The following STXBP6 variants were observed in gnomAD, a reference collection of about 807,000 sequenced individuals.
STXBP6 encodes syntaxin binding protein 6.
In STXBP6, 21 loss-of-function variants were observed where a neutral mutation model predicts 26.9. That is an observed-to-expected ratio of 0.78 (90% CI 0.55 to 1.12). The LOEUF is 1.12. STXBP6 is among the 50% of genes most tolerant of loss of function. The pLI, the probability that STXBP6 is intolerant of heterozygous loss-of-function variation, is 0.00. For missense variants in STXBP6, 232 were observed against 257.9 expected (o/e 0.90, Z 0.69); for synonymous variants, 97 against 92.6 (o/e 1.05, Z -0.27).
chr14:24,822,859 A>C (rs1187703184), intron 4 of STXBP6, among the ~76,000 whole-genome samples: 1 of 152,218 alleles, frequency 6.6e-6, no homozygotes, highest in African/African-American at 2.4e-5. Flanking sequence ...TGTTGCTCAG[A>C]CAGGGAGTTT....
chr14:24,861,855 G>C (rs891383653), intron 2 of STXBP6, among the ~76,000 whole-genome samples: 4 of 152,174 alleles, frequency 2.6e-5, no homozygotes, highest in Non-Finnish European at 5.9e-5. Context: ...AGACCAACTT[G>C]TGAAATGGTC....
intron 2 of STXBP6, among the ~76,000 whole-genome samples, chr14:24,889,979 C>T (rs1291613239): frequency 6.6e-6 from 1 of 152,238 alleles, no homozygotes; most frequent in Non-Finnish European, 1.5e-5. Context: ...CAGAGACTGC[C>T]TCCTGAAGTG....
chr14:24,888,498 C>T (rs1347996654), intron 2 of STXBP6, among the ~76,000 whole-genome samples: 1 of 152,056 alleles, frequency 6.6e-6, no homozygotes, highest in Non-Finnish European at 1.5e-5. Flanking sequence ...CCGAGGTGGG[C>T]AGATCATGAG....
intron 1 of STXBP6, among the ~76,000 whole-genome samples, chr14:25,033,009 C>T (rs568701619): frequency 6.6e-6 from 1 of 152,320 alleles, no homozygotes; most frequent in South Asian, 2.1e-4. Flanking sequence ...CAAGCACACA[C>T]ACCACTTTTC....
intron 2 of STXBP6, among the ~76,000 whole-genome samples, chr14:24,869,470 T>C (rs1386603917): frequency 6.6e-6 from 1 of 152,182 alleles, no homozygotes; most frequent in Non-Finnish European, 1.5e-5. Flanking sequence ...GATTTCTTCC[T>C]AAGAAAAATC....
intron 1 of STXBP6, among the ~76,000 whole-genome samples, chr14:25,004,568 T>G (rs1272341419): frequency 3.9e-5 from 6 of 152,218 alleles, no homozygotes; most frequent in Non-Finnish European, 8.8e-5. Context: ...ACCTCTCAGC[T>G]CCTGACAAAG....
At chr14:24,966,200 T>C (rs1258456350) in intron 2 of STXBP6, among the ~76,000 whole-genome samples, 2 of 152,158 alleles carry the variant, frequency 1.3e-5, no homozygotes, top group African/African-American at 2.4e-5. Flanking sequence ...CTGGTTTTAG[T>C]ATTGGAATGC....
intron 5 of STXBP6, among the ~76,000 whole-genome samples, chr14:24,814,505 T>C (rs1298490352): frequency 1.3e-5 from 2 of 152,252 alleles, no homozygotes. Flanking sequence ...CCCACAGCTA[T>C]TAATTTTCAG....
At chr14:24,875,695 C>T (rs1168692427) in intron 2 of STXBP6, among the ~76,000 whole-genome samples, 1 of 152,148 alleles carries the variant, frequency 6.6e-6, no homozygotes, top group African/African-American at 2.4e-5. Context: ...ATTTAAACTG[C>T]CAACACTTGA....
intron 2 of STXBP6, among the ~76,000 whole-genome samples, chr14:24,923,564 G>A (rs1253006122): frequency 6.6e-6 from 1 of 152,116 alleles, no homozygotes; most frequent in Non-Finnish European, 1.5e-5. Context: ...AATTTACAAT[G>A]TATTAGAGCT....
chr14:24,996,404 C>G (rs1410057974), intron 1 of STXBP6, among the ~76,000 whole-genome samples: 1 of 152,066 alleles, frequency 6.6e-6, no homozygotes, highest in African/African-American at 2.4e-5. Flanking sequence ...ATACCTGAAC[C>G]TCTCAGCTTT....
chr14:24,817,926 G>A (rs2068027254), intron 5 of STXBP6: 3 of 395,856 alleles, frequency 7.6e-6, no homozygotes, highest in Non-Finnish European at 1.5e-5. Flanking sequence ...TGCAGGAAGA[G>A]AAGGCAGGAG....
In STXBP6 at chr14:24,873,911, C is replaced by T. The variant is rs1202059829; in HGVS notation, c.155-16754G>A. ...TCTTTTCCTAAGACAATATGTATAA[C>T]AATGCATAGACCACCATGCCCACCT... On this transcript the variant is annotated intron_variant, in intron 2 of 5. Coordinates refer to ENST00000323944, the MANE Select transcript of STXBP6 (RefSeq NM_001394410.1). 2.0e-5 allele frequency among the ~76,000 whole-genome samples: 3 copies of T among 152,180 alleles called. No individual in the cohort carries two copies. The East Asian group carries it at 5.8e-4, about 29-fold the overall frequency.
chr14:24,872,729 T>C (rs1336057641), intron 2 of STXBP6, among the ~76,000 whole-genome samples: 1 of 152,142 alleles, frequency 6.6e-6, no homozygotes. Flanking sequence ...CCATCATCCT[T>C]AGATCCTTAT....
At chr14:24,900,089 A>G (rs1003978200) in intron 2 of STXBP6, among the ~76,000 whole-genome samples, 2 of 152,244 alleles carry the variant, frequency 1.3e-5, no homozygotes, top group Admixed American at 1.3e-4. Flanking sequence ...GATTAAAATG[A>G]TTGCAAACAA....
At chr14:24,862,546 C>G (rs1175681433) in intron 2 of STXBP6, among the ~76,000 whole-genome samples, 1 of 152,136 alleles carries the variant, frequency 6.6e-6, no homozygotes, top group Non-Finnish European at 1.5e-5. Flanking sequence ...AAAAGTTTTC[C>G]AGACAAAAGT....
At chr14:24,975,144 T>A (rs938103579) in intron 1 of STXBP6, among the ~76,000 whole-genome samples, 1 of 152,214 alleles carries the variant, frequency 6.6e-6, no homozygotes, top group Non-Finnish European at 1.5e-5. Flanking sequence ...CTACCCCAAC[T>A]GCACCTCCCT....
Position 24,973,034 on chromosome 14 carries a change from T to C in STXBP6, c.154+1631A>G, listed in dbSNP as rs186589922. Reference sequence around the variant, plus strand: ...TGGGAGGCTGAGGCAGGAGGATCGATTGAACCCAAGGAGGTCAAGGCTACA... The same window carrying C: ...TGGGAGGCTGAGGCAGGAGGATCGACTGAACCCAAGGAGGTCAAGGCTACA... On this transcript the variant is annotated intron_variant, in intron 2 of 5. Coordinates refer to ENST00000323944, the MANE Select transcript of STXBP6 (RefSeq NM_001394410.1). Among the ~76,000 whole-genome samples the C allele has an allele frequency of 5.1e-3, 783 of 152,240 alleles. 5 individuals are homozygous for C. Among genetic ancestry groups the C allele is most frequent in the Non-Finnish European group, 9.0e-3 (609 of 68,016 alleles).
At chr14:24,896,784 G>T (rs2071005300) in intron 2 of STXBP6, among the ~76,000 whole-genome samples, 1 of 152,164 alleles carries the variant, frequency 6.6e-6, no homozygotes, top group Non-Finnish European at 1.5e-5. Flanking sequence ...TAGGAATGAG[G>T]AGAAAAGGAA....
Sources: allele counts gnomAD v4.1 joint callset (sites outside exome capture counted in the v4.1 genomes callset), GRCh38; gene constraint gnomAD v4.1.1; transcripts MANE v1.5; gene names NCBI Gene and HGNC (gene_info 2026-07-23, HGNC 2026-07-21).